Variants in SOCS2 observed in about 807,000 individuals in gnomAD.
SOCS2 encodes the protein suppressor of cytokine signaling 2.
SOCS2 carries 10 observed loss-of-function variants against 18.6 expected under a neutral mutation model. The observed-to-expected ratio is 0.54, with a 90% confidence interval of 0.33 to 0.91. SOCS2 has a LOEUF of 0.91. SOCS2 is among the 40% of genes least tolerant of loss of function. The pLI is 0.02. For missense variants in SOCS2, 231 were observed against 247.2 expected (o/e 0.93, Z 0.44); for synonymous variants, 104 against 104.0 (o/e 1.00, Z 0.00).
the SOCS2 span, among the ~76,000 whole-genome samples, chr12:93,595,236 T>G: frequency 6.6e-6 from 1 of 152,200 alleles, no homozygotes; most frequent in Admixed American, 6.5e-5. Flanking sequence ...ACACTGATAG[T>G]TAACTTTAGG....
downstream of SOCS2, among the ~76,000 whole-genome samples, chr12:93,584,288 C>T (rs1010341596): frequency 2.0e-5 from 3 of 152,174 alleles, no homozygotes; most frequent in Non-Finnish European, 4.4e-5. Flanking sequence ...ACCTCTCTCC[C>T]GATTTCTCAG....
chr12:93,574,656 G>A, intron 1 of SOCS2, 66 bp from the exon 2 acceptor site: 9 of 1,185,382 alleles, frequency 7.6e-6, no homozygotes, highest in Non-Finnish European at 1.0e-5. Flanking sequence ...TACTTGCTCT[G>A]TTCTAAGAAT....
At chr12:93,572,389 C>T (rs983826825), upstream of SOCS2, 2 of 331,400 alleles carry the variant, frequency 6.0e-6, no homozygotes, top group Non-Finnish European at 1.2e-5. The surrounding 1 kb of genome is among the most constrained non-coding windows in gnomAD (Gnocchi z 5.0). Flanking sequence ...ACTATTTGCT[C>T]TTCCTAGGTC....
the SOCS2 span, among the ~76,000 whole-genome samples, chr12:93,610,961 T>C: frequency 6.6e-6 from 1 of 152,166 alleles, no homozygotes; most frequent in South Asian, 2.1e-4. Flanking sequence ...ATACTTGGTG[T>C]TTTATTTCTA....
At chr12:93,572,159 C>T, upstream of SOCS2, 1 of 167,528 alleles carries the variant, frequency 6.0e-6, no homozygotes. The surrounding 1 kb of genome is among the most constrained non-coding windows in gnomAD (Gnocchi z 5.0). Context: ...GGCGGAGATG[C>T]GGCAGCTCCC....
At chr12:93,585,984 T>TTGTTATAC (rs1410425870), downstream of SOCS2, among the ~76,000 whole-genome samples, 14 of 152,218 alleles carry the variant, frequency 9.2e-5, no homozygotes, top group Admixed American at 9.2e-4. Context: ...ATGTAAATAG[T>TTGTTATAC]TGTTATACTA....
the SOCS2 span, among the ~76,000 whole-genome samples, chr12:93,622,362 C>T: frequency 6.6e-6 from 1 of 152,146 alleles, no homozygotes; most frequent in Non-Finnish European, 1.5e-5. Context: ...AGGTTTCATA[C>T]AGAGGCACAA....
At chr12:93,611,514 T>A in the SOCS2 span, among the ~76,000 whole-genome samples, 1 of 152,164 alleles carries the variant, frequency 6.6e-6, no homozygotes, top group Non-Finnish European at 1.5e-5. Flanking sequence ...TGGAATTATG[T>A]GCATGAGCCA....
chr12:93,600,881 T>C, the SOCS2 span, among the ~76,000 whole-genome samples: 3 of 151,820 alleles, frequency 2.0e-5, no homozygotes, highest in Non-Finnish European at 4.4e-5. Flanking sequence ...CTTAACCTCC[T>C]GGGCTCAAGG....
At chr12:93,620,815 C>T in the SOCS2 span, among the ~76,000 whole-genome samples, 4 of 152,206 alleles carry the variant, frequency 2.6e-5, no homozygotes, top group Non-Finnish European at 4.4e-5. Context: ...GTTAACTACA[C>T]CAGATAAGTT....
the SOCS2 span, among the ~76,000 whole-genome samples, chr12:93,605,159 C>T: frequency 6.6e-6 from 1 of 152,120 alleles, no homozygotes; most frequent in African/African-American, 2.4e-5. Flanking sequence ...ACAAAAAGCA[C>T]AGAGCACAGT....
chr12:93,615,634 C>T, the SOCS2 span, among the ~76,000 whole-genome samples: 1 of 152,198 alleles, frequency 6.6e-6, no homozygotes, highest in African/African-American at 2.4e-5. Context: ...CTCGATCTGT[C>T]ACCCAGGCTG....
chr12:93,601,786 C>G, the SOCS2 span, among the ~76,000 whole-genome samples: 1 of 152,158 alleles, frequency 6.6e-6, no homozygotes, highest in Non-Finnish European at 1.5e-5. Flanking sequence ...ACCACTCATT[C>G]TTGGTACATT....
the SOCS2 span, among the ~76,000 whole-genome samples, chr12:93,604,020 A>G: frequency 6.6e-6 from 1 of 152,200 alleles, no homozygotes; most frequent in Non-Finnish European, 1.5e-5. Flanking sequence ...ATAAAAGTAC[A>G]CAGAACACCC....
the SOCS2 span, among the ~76,000 whole-genome samples, chr12:93,617,830 A>G: frequency 1.3e-5 from 2 of 152,152 alleles, no homozygotes; most frequent in Admixed American, 6.5e-5. Flanking sequence ...TTCCACTGCC[A>G]TCACTCTAGA....
At chr12:93,605,857 C>T in the SOCS2 span, among the ~76,000 whole-genome samples, 1 of 152,216 alleles carries the variant, frequency 6.6e-6, no homozygotes, top group Non-Finnish European at 1.5e-5. Context: ...TTGATATTTA[C>T]TGAGTTCTTT....
chr12:93,612,677 A>G, the SOCS2 span, among the ~76,000 whole-genome samples: 2 of 152,236 alleles, frequency 1.3e-5, no homozygotes, highest in South Asian at 4.1e-4. Context: ...CCAATTGTGT[A>G]TATTCTCAGT....
At chr12:93,587,198 C>T (rs966604891), downstream of SOCS2, among the ~76,000 whole-genome samples, 2 of 151,762 alleles carry the variant, frequency 1.3e-5, no homozygotes, top group African/African-American at 4.8e-5. Flanking sequence ...ACATAGTCCC[C>T]GACCTCAAGG....
the SOCS2 span, among the ~76,000 whole-genome samples, chr12:93,591,820 A>T: frequency 6.6e-6 from 1 of 152,214 alleles, no homozygotes; most frequent in East Asian, 1.9e-4. Context: ...GCTGGGTGCA[A>T]TGTTTTTGCC....
Sources: gnomAD v4.1 joint callset for allele counts (sites outside exome capture counted in the v4.1 genomes callset) on GRCh38, gnomAD v4.1.1 for gene constraint, Gnocchi (gnomAD v3.1) non-coding constraint, MANE v1.5 for transcripts, NCBI Gene and HGNC (gene_info 2026-07-23, HGNC 2026-07-21) for gene names.